Variants in ADAMTS20 observed in about 807,000 individuals in gnomAD.
ADAMTS20 encodes A disintegrin and metalloproteinase with thrombospondin motifs 20.
A neutral mutation model predicts 260.1 loss-of-function variants in ADAMTS20; 225 were observed. The ratio of observed to expected loss-of-function variants is 0.87; its 90% CI spans 0.78 to 0.97. The LOEUF (loss-of-function observed/expected upper bound fraction) is 0.97. Among genes scored for constraint, ADAMTS20 ranks in the 50% least tolerant of loss-of-function variants. ADAMTS20 has a pLI of 0.00. For synonymous variants in ADAMTS20, 802 were observed against 769.5 expected (o/e 1.04, Z -0.70); for missense variants, 2,400 against 2,337.7 (o/e 1.03, Z -0.55).
chr12:43,469,105 A>G (rs1942206253), intron 7 of ADAMTS20, among the ~76,000 whole-genome samples: 1 of 152,140 alleles, frequency 6.6e-6, no homozygotes, highest in South Asian at 2.1e-4. Flanking sequence ...ATGGCACAGA[A>G]CTCTACAAAT....
chr12:43,411,351 GTTGTTTGT>G (rs141577930), intron 28 of ADAMTS20, among the ~76,000 whole-genome samples: 32,079 of 151,564 alleles, frequency 0.21, 3,901 homozygotes, highest in African/African-American at 0.33. Flanking sequence ...AAAAGCATCT[GTTGTTTGT>G]TTGTTTGTTT....
At chr12:43,365,536 A>G (rs1939964770) in intron 37 of ADAMTS20, among the ~76,000 whole-genome samples, 1 of 152,012 alleles carries the variant, frequency 6.6e-6, no homozygotes, top group Non-Finnish European at 1.5e-5. Flanking sequence ...TTAGGAAATG[A>G]CACAAGACGA....
chr12:43,419,557 T>C (rs1941190956), intron 28 of ADAMTS20, among the ~76,000 whole-genome samples: 1 of 152,128 alleles, frequency 6.6e-6, no homozygotes, highest in African/African-American at 2.4e-5. Context: ...TGCTTAAACA[T>C]TCCTAAAGCA....
intron 36 of ADAMTS20, among the ~76,000 whole-genome samples, chr12:43,370,298 T>C (rs1940078296): frequency 6.6e-6 from 1 of 152,212 alleles, no homozygotes; most frequent in African/African-American, 2.4e-5. Context: ...TGTGCATTTC[T>C]TCCCAAGCCC....
intron 31 of ADAMTS20, among the ~76,000 whole-genome samples, chr12:43,381,275 A>T (rs908610252): frequency 6.6e-5 from 10 of 152,150 alleles, no homozygotes; most frequent in Non-Finnish European, 1.3e-4. Context: ...GAAAACATAG[A>T]TATATATCTT....
At chr12:43,542,383 A>C (rs1343614251) in intron 2 of ADAMTS20, among the ~76,000 whole-genome samples, 1 of 152,222 alleles carries the variant, frequency 6.6e-6, no homozygotes, top group African/African-American at 2.4e-5. Flanking sequence ...TATAATATCT[A>C]GAGGGACATA....
chr12:43,466,529 A>G, intron 9 of ADAMTS20, 123 bp downstream of exon 9: 1 of 798,872 alleles, frequency 1.3e-6, no homozygotes, highest in South Asian at 1.7e-5. Flanking sequence ...CCATTTGTAC[A>G]GTGAAAGTAA....
chr12:43,524,793 A>T (rs1943119402), intron 3 of ADAMTS20, among the ~76,000 whole-genome samples: 1 of 152,214 alleles, frequency 6.6e-6, no homozygotes, highest in Admixed American at 6.5e-5. Flanking sequence ...TTTCAAATTA[A>T]TCTAATCAGA....
At chr12:43,492,206 C>T (rs1942609921) in intron 6 of ADAMTS20, among the ~76,000 whole-genome samples, 1 of 151,820 alleles carries the variant, frequency 6.6e-6, no homozygotes. Context: ...CGGTGAAACC[C>T]CGTCTCTACT....
In ADAMTS20 at chr12:43,462,920, T is replaced by A; in HGVS notation, c.1589A>T (p.Asp530Val). Residue 530 changes from aspartate (D) to valine (V), a missense_variant, in exon 11 of 39, where the codon GAT becomes GTT. By Grantham distance (152) the Asp-to-Val change is radical (BLOSUM62 -3). Transcript: ENST00000389420. ...GCFTQHVPPA[D>V]GTDCGPGMHC... The stretch of plus-strand genomic sequence containing the variant: ...CATTCCAGGACCGCAGTCTGTTCCA[T>A]CTGCTGGTGGCACGTGTTGAGTGAA... 1 of 1,608,218 alleles carries A rather than the reference T, an allele frequency of 6.2e-7. No homozygotes were observed.
intron 4 of ADAMTS20, among the ~76,000 whole-genome samples, chr12:43,501,904 A>G (rs2137447326): frequency 6.6e-6 from 1 of 152,312 alleles, no homozygotes; most frequent in African/African-American, 2.4e-5. Flanking sequence ...AAAGTAAAGA[A>G]TAATTCAAGC....
intron 28 of ADAMTS20, chr12:43,423,888 T>C (rs2137292755): frequency 1.4e-6 from 1 of 728,354 alleles, no homozygotes. Context: ...CACAAGATGA[T>C]GGTCCTTTGA....
chr12:43,479,733 A>T (rs1284915944), intron 7 of ADAMTS20, among the ~76,000 whole-genome samples: 4 of 152,138 alleles, frequency 2.6e-5, no homozygotes, highest in Non-Finnish European at 4.4e-5. Flanking sequence ...ATTAGAAAAG[A>T]AGAAATCCTG....
intron 31 of ADAMTS20, among the ~76,000 whole-genome samples, chr12:43,382,318 T>G (rs893002290): frequency 6.6e-6 from 1 of 152,168 alleles, no homozygotes; most frequent in Non-Finnish European, 1.5e-5. Context: ...AATGAAGCAT[T>G]GATGTATGAT....
At position 43,443,709 on chromosome 12, in the gene ADAMTS20, T is replaced by C. The variant is rs1941708352; in HGVS notation, c.2290+82A>G. 3 of 1,135,530 alleles carry C rather than the reference T, an allele frequency of 2.6e-6. No individual in the cohort carries two copies. The South Asian group carries it at 3.9e-5, about 15-fold the overall frequency. 70.3% of individuals were successfully genotyped at this position (1,135,530 alleles called of 1,614,324 possible). On this transcript the variant is annotated intron_variant, in intron 16 of 38. Coordinates refer to ENST00000389420, the MANE Select transcript of ADAMTS20 (RefSeq NM_025003.5). ...ATGCTTGCTAAAGGGACTCCTGTTT[T>C]CCAAGAATTCACATCAACTACAGAC... is the stretch of plus-strand genomic sequence containing the variant.
At chr12:43,541,727 TC>T (rs1469103302) in intron 2 of ADAMTS20, among the ~76,000 whole-genome samples, 1 of 152,076 alleles carries the variant, frequency 6.6e-6, no homozygotes, top group Non-Finnish European at 1.5e-5. Flanking sequence ...AAGAATTAAC[TC>T]CAGATGCATA....
rs568701969 is a variant in ADAMTS20, at chr12:43,466,722, C to T, written c.1297G>A (p.Ala433Thr). The change falls in exon 9 of 39, where the codon GCT becomes ACT. Residue 433 changes from alanine (A) to threonine (T), a missense_variant. Ala to Thr is a moderately conservative substitution (Grantham distance 58, BLOSUM62 0). Transcript: ENST00000389420. The part of the protein sequence containing the change: ...KVTKYHVMAP[A>T]LSFHMSPWSW... ...CAAGGACTCATGTGAAAACTTAAAG[C>T]AGGGGCCATTACATGATACTTTGTA... 6 of 1,611,206 alleles carry T rather than the reference C, an allele frequency of 3.7e-6. No homozygotes were observed. The highest frequency in any genetic ancestry group is 4.2e-6 in the Non-Finnish European group (5 of 1,178,010).
chr12:43,488,310 C>G (rs961954512), intron 7 of ADAMTS20, among the ~76,000 whole-genome samples: 1 of 152,046 alleles, frequency 6.6e-6, no homozygotes, highest in African/African-American at 2.4e-5. Flanking sequence ...GTTATTCCAG[C>G]TTTTCCAAAT....
chr12:43,354,312 G>A lies in ADAMTS20; in HGVS notation c.5644-14C>T, dbSNP rs1380311889. On this transcript the variant is annotated splice_polypyrimidine_tract_variant and intron_variant, in intron 38 of 38. Coordinates refer to ENST00000389420, the MANE Select transcript of ADAMTS20 (RefSeq NM_025003.5). ...TCTAGTTCCATCCTGAAAATCGGAAGAAGAAATACAGAAGAATCTTATACA... is the reference window on the plus strand; with the variant it reads ...TCTAGTTCCATCCTGAAAATCGGAAAAAGAAATACAGAAGAATCTTATACA... The A allele has an allele frequency of 1.6e-5, 25 of 1,557,350 alleles. No individual in the cohort carries two copies. Among genetic ancestry groups the A allele is most frequent in the South Asian group, 2.4e-5 (2 of 84,966 alleles).
Sources: gnomAD v4.1 joint callset for allele counts (sites outside exome capture counted in the v4.1 genomes callset) on GRCh38, gnomAD v4.1.1 for gene constraint, MANE v1.5 for transcripts, NCBI Gene and HGNC (gene_info 2026-07-23, HGNC 2026-07-21) for gene names.